The following NRXN3 variants were observed in gnomAD, a reference collection of about 807,000 sequenced individuals.
NRXN3 encodes neurexin III.
NRXN3 carries 32 observed loss-of-function variants against 137.6 expected under a neutral mutation model. The observed-to-expected ratio is 0.23, with a 90% confidence interval of 0.18 to 0.31. The LOEUF (loss-of-function observed/expected upper bound fraction) is 0.31, where lower values mean the gene tolerates loss of function less well. NRXN3 is among the 10% of genes least tolerant of loss of function. The probability of loss-of-function intolerance (pLI) is 1.00; values close to 1 mark genes in which losing one functional copy is unlikely to be tolerated. For synonymous variants in NRXN3, 798 were observed against 784.5 expected, an observed-to-expected ratio of 1.02 and a Z score of -0.29; for missense variants, 1,574 against 2,062.5, an observed-to-expected ratio of 0.76 and a Z score of 4.59.
At position 79,862,346 on chromosome 14, in the gene NRXN3, C is replaced by A. The variant is rs564539857; in HGVS notation, c.*382C>A. 6 of 168,270 alleles carry A rather than the reference C, an allele frequency of 3.6e-5. No homozygotes were observed. The highest frequency in any genetic ancestry group is 6.5e-5 in the Non-Finnish European group (5 of 77,468). The allele number at this position is 168,270 out of a possible 1,614,324, so 10.4% of individuals were successfully genotyped here. The stretch of plus-strand genomic sequence containing the variant: ...AGAAGACTTCATGGCTTACTTGTTC[C>A]ATAACTCCAAGTGAGTCTGTAATGT... On this transcript the variant is annotated 3_prime_UTR_variant, in exon 21 of 21. Transcript: ENST00000335750.
At chr14:78,396,966 C>G (rs889923446) in intron 4 of NRXN3, among the ~76,000 whole-genome samples, 3 of 152,152 alleles carry the variant, frequency 2.0e-5, no homozygotes, top group South Asian at 2.1e-4. Context: ...CTCTCTTCCT[C>G]TTCCTATAAG....
chr14:79,554,836 C>T (rs910341968), intron 16 of NRXN3, among the ~76,000 whole-genome samples: 1 of 152,150 alleles, frequency 6.6e-6, no homozygotes, highest in Non-Finnish European at 1.5e-5. Context: ...GCCTCCCAGT[C>T]TTAGTAGTAA....
At chr14:79,552,457 GGATGAAGGGACTTTTAAGTTTGCTGA>G (rs2097382570) in intron 16 of NRXN3, among the ~76,000 whole-genome samples, 2 of 152,120 alleles carry the variant, frequency 1.3e-5, no homozygotes, top group African/African-American at 4.8e-5. Context: ...GGGTGTGTAG[GGATGAAGGGACTTTTAAGTTTGCTGA>G]AATAAACTGG....
intron 4 of NRXN3, among the ~76,000 whole-genome samples, chr14:78,524,633 A>G (rs1189761809): frequency 6.6e-6 from 1 of 152,180 alleles, no homozygotes; most frequent in African/African-American, 2.4e-5. Context: ...GGATCTCTTT[A>G]TCTTTTACCT....
chr14:78,406,269 T>C (rs2092477465), intron 4 of NRXN3, among the ~76,000 whole-genome samples: 1 of 151,996 alleles, frequency 6.6e-6, no homozygotes, highest in African/African-American at 2.4e-5. Context: ...GTGACCAAGG[T>C]CTGGATATTT....
At chr14:79,578,519 C>A (rs1394581228) in intron 16 of NRXN3, among the ~76,000 whole-genome samples, 2 of 152,162 alleles carry the variant, frequency 1.3e-5, no homozygotes, top group African/African-American at 4.8e-5. Flanking sequence ...TCACAACCCC[C>A]ACCATAAGTC....
rs1272032624 is a variant in NRXN3, at chr14:79,845,783, ACG to A, written c.4094-15558_4094-15557del. Among the ~76,000 whole-genome samples, 630 of 72,330 alleles carry A rather than the reference ACG, an allele frequency of 8.7e-3. 28 individuals are homozygous for A. Among genetic ancestry groups the A allele is most frequent in the Non-Finnish European group, 0.014 (444 of 32,124 alleles). The allele number at this position is 72,330 out of a possible 152,430, so 47.5% of individuals were successfully genotyped here. On this transcript the variant is annotated intron_variant, in intron 20 of 20. Transcript: ENST00000335750. ...GAGGGAGACGGGGAGAGAGAGGGAGACGGGGAGAGAGAGGGAGACGGGGAGAG... is the reference window on the plus strand; with the variant it reads ...GAGGGAGACGGGGAGAGAGAGGGAGAGGGAGAGAGAGGGAGACGGGGAGAG...
chr14:79,859,715 G>A (rs1445464106), intron 20 of NRXN3, among the ~76,000 whole-genome samples: 2 of 152,152 alleles, frequency 1.3e-5, no homozygotes, highest in Non-Finnish European at 2.9e-5. Context: ...TTATTACCAA[G>A]TGTAAGAGAC....
chr14:79,619,619 A>T (rs2098200086), intron 16 of NRXN3, among the ~76,000 whole-genome samples: 1 of 152,068 alleles, frequency 6.6e-6, no homozygotes. Context: ...AAGTCCTAAC[A>T]ATCAGAATTT....
chr14:79,355,548 G>C (rs2093394425), intron 15 of NRXN3, among the ~76,000 whole-genome samples: 1 of 152,216 alleles, frequency 6.6e-6, no homozygotes, highest in African/African-American at 2.4e-5. Flanking sequence ...AGACCCCTCT[G>C]TCTGGTCAAA....
intron 4 of NRXN3, among the ~76,000 whole-genome samples, chr14:78,638,081 G>A (rs192146007): frequency 1.3e-5 from 2 of 152,282 alleles, no homozygotes; most frequent in East Asian, 1.9e-4. Context: ...CAGGATGCTG[G>A]CTGTTTATTT....
intron 15 of NRXN3, among the ~76,000 whole-genome samples, chr14:79,289,023 C>T (rs1267152412): frequency 6.6e-6 from 1 of 152,056 alleles, no homozygotes; most frequent in African/African-American, 2.4e-5. Flanking sequence ...AAGTTATGCA[C>T]CCTTCAAAAG....
intron 4 of NRXN3, among the ~76,000 whole-genome samples, chr14:78,562,676 A>C (rs2096798471): frequency 6.6e-6 from 1 of 152,214 alleles, no homozygotes; most frequent in Non-Finnish European, 1.5e-5. Flanking sequence ...AATGGACTGT[A>C]ACCACATGAG....
chr14:78,924,716 G>A (rs540015538), intron 10 of NRXN3, among the ~76,000 whole-genome samples: 1 of 152,216 alleles, frequency 6.6e-6, no homozygotes, highest in African/African-American at 2.4e-5. Flanking sequence ...AAAGTCTAAA[G>A]ATTTGAAATT....
intron 10 of NRXN3, among the ~76,000 whole-genome samples, chr14:78,886,944 T>C (rs1322079190): frequency 6.6e-6 from 1 of 152,158 alleles, no homozygotes. Context: ...AACTGGATAC[T>C]GTAGTGGTGG....
chr14:78,576,307 T>C (rs986537173), intron 4 of NRXN3, among the ~76,000 whole-genome samples: 1 of 152,188 alleles, frequency 6.6e-6, no homozygotes, highest in South Asian at 2.1e-4. Flanking sequence ...ATCTCAGTTC[T>C]TCCTTCACCT....
intron 4 of NRXN3, among the ~76,000 whole-genome samples, chr14:78,606,304 C>T (rs1282069494): frequency 6.6e-6 from 1 of 152,148 alleles, no homozygotes; most frequent in African/African-American, 2.4e-5. Flanking sequence ...AAGGCCATGC[C>T]CTCATCTGAC....
chr14:79,227,770 CTT>C (rs1568684133), intron 15 of NRXN3, among the ~76,000 whole-genome samples: 3 of 120,168 alleles, frequency 2.5e-5, no homozygotes, highest in South Asian at 6.8e-4. Flanking sequence ...TCCTTCCTTC[CTT>C]CCTTCCTTCC....
At chr14:79,712,630 CG>C (rs2098808583) in intron 19 of NRXN3, among the ~76,000 whole-genome samples, 1 of 152,266 alleles carries the variant, frequency 6.6e-6, no homozygotes, top group East Asian at 1.9e-4. Flanking sequence ...TGAATACCCT[CG>C]TTATCTCGTT....
Sources: allele counts gnomAD v4.1 joint callset (sites outside exome capture counted in the v4.1 genomes callset), GRCh38; gene constraint gnomAD v4.1.1; transcripts MANE v1.5; gene names NCBI Gene and HGNC (gene_info 2026-07-23, HGNC 2026-07-21).